Variants in CSMD1 observed in about 807,000 individuals in gnomAD.
CSMD1 encodes the protein CUB and Sushi multiple domains 1, also known as CUB and sushi domain-containing protein 1.
Under a neutral mutation model 417.5 loss-of-function variants are expected in CSMD1, and 213 were observed. The observed-to-expected ratio is 0.51, with a 90% CI of 0.46 to 0.57. CSMD1 has a LOEUF of 0.57. CSMD1 is among the 20% of genes least tolerant of loss of function. The pLI is 0.00. For synonymous variants in CSMD1, 2,862 were observed against 1,736.8 expected (o/e 1.65, Z -16.11); for missense variants, 6,923 against 4,529.7 (o/e 1.53, Z -15.17).
chr8:3,664,654 C>G (rs1222112525), intron 7 of CSMD1, among the ~76,000 whole-genome samples: 1 of 152,200 alleles, frequency 6.6e-6, no homozygotes, highest in Non-Finnish European at 1.5e-5. Flanking sequence ...TCAGGAGCAT[C>G]TTTTCTCATT....
intron 3 of CSMD1, among the ~76,000 whole-genome samples, chr8:4,207,264 G>C (rs1170343259): frequency 6.6e-6 from 1 of 152,146 alleles, no homozygotes; most frequent in African/African-American, 2.4e-5. Flanking sequence ...TCAAGTGACA[G>C]AATGAAACTG....
chr8:4,101,160 T>A (rs760918173), intron 3 of CSMD1, among the ~76,000 whole-genome samples: 13 of 152,218 alleles, frequency 8.5e-5, no homozygotes, highest in East Asian at 1.9e-4. Context: ...CACTCTATAC[T>A]GTCTATGAGT....
intron 7 of CSMD1, among the ~76,000 whole-genome samples, chr8:3,646,623 G>C (rs1797583958): frequency 6.6e-6 from 1 of 152,192 alleles, no homozygotes; most frequent in Non-Finnish European, 1.5e-5. Context: ...CTAAAAATGA[G>C]TAACTTTCTT....
At chr8:4,303,276 C>T (rs1401932171) in intron 3 of CSMD1, among the ~76,000 whole-genome samples, 1 of 151,994 alleles carries the variant, frequency 6.6e-6, no homozygotes, top group African/African-American at 2.4e-5. Context: ...GAAAACAAAA[C>T]AAAAATAATT....
chr8:4,024,162 A>G (rs1796940814), intron 4 of CSMD1, among the ~76,000 whole-genome samples: 1 of 152,170 alleles, frequency 6.6e-6, no homozygotes, highest in African/African-American at 2.4e-5. Context: ...ATAAAGAATC[A>G]GTTGTATTAT....
intron 49 of CSMD1, among the ~76,000 whole-genome samples, chr8:3,086,378 A>G (rs748229535): frequency 4.6e-5 from 7 of 152,190 alleles, no homozygotes; most frequent in Non-Finnish European, 8.8e-5. Context: ...AATAACTGTG[A>G]TAAGTATCTA....
chr8:4,672,182 C>T (rs1025882800), intron 1 of CSMD1, among the ~76,000 whole-genome samples: 4 of 152,184 alleles, frequency 2.6e-5, no homozygotes, highest in Non-Finnish European at 4.4e-5. Flanking sequence ...TGCCAAGTGT[C>T]CTGGAACCTC....
intron 26 of CSMD1, among the ~76,000 whole-genome samples, chr8:3,238,626 T>G (rs1272922603): frequency 6.6e-6 from 1 of 151,984 alleles, no homozygotes; most frequent in African/African-American, 2.4e-5. Context: ...AGAAGAAACA[T>G]TTGTCATTTA....
At chr8:4,429,989 G>A (rs1585061351) in intron 2 of CSMD1, among the ~76,000 whole-genome samples, 1 of 152,174 alleles carries the variant, frequency 6.6e-6, no homozygotes, top group Non-Finnish European at 1.5e-5. Context: ...TGAGCTGGAA[G>A]ATGAGGTCTC....
At chr8:4,612,416 T>G (rs1186268423) in intron 2 of CSMD1, among the ~76,000 whole-genome samples, 1 of 152,174 alleles carries the variant, frequency 6.6e-6, no homozygotes, top group East Asian at 1.9e-4. Flanking sequence ...AATGATTGTT[T>G]TCTTCAGGAA....
chr8:3,055,692 C>A (rs1812167589), intron 49 of CSMD1, among the ~76,000 whole-genome samples: 1 of 152,160 alleles, frequency 6.6e-6, no homozygotes, highest in African/African-American at 2.4e-5. Flanking sequence ...TAAAATTCCT[C>A]AGTTGTTTTT....
intron 1 of CSMD1, among the ~76,000 whole-genome samples, chr8:4,738,649 G>C (rs950687134): frequency 2.6e-5 from 4 of 151,782 alleles, no homozygotes; most frequent in African/African-American, 9.7e-5. Context: ...CAACAGCATC[G>C]TTTCTGTCAT....
intron 1 of CSMD1, among the ~76,000 whole-genome samples, chr8:4,857,482 G>T (rs547966913): frequency 2.6e-5 from 4 of 152,214 alleles, no homozygotes; most frequent in African/African-American, 9.6e-5. Context: ...CCAGGAGCTC[G>T]TTTTTTGAAA....
chr8:4,519,378 T>C (rs970019662), intron 2 of CSMD1, among the ~76,000 whole-genome samples: 9 of 152,074 alleles, frequency 5.9e-5, no homozygotes, highest in African/African-American at 2.2e-4. Flanking sequence ...AATGAAAAAG[T>C]AAACATAAAA....
At chr8:3,150,531 A>G (rs898677958) in intron 40 of CSMD1, among the ~76,000 whole-genome samples, 12 of 152,232 alleles carry the variant, frequency 7.9e-5, no homozygotes, top group South Asian at 2.1e-4. Context: ...AGCTTTGAAT[A>G]AAGTGTGTGA....
In CSMD1 at chr8:3,723,818, T is replaced by C. The variant is rs569431683; in HGVS notation, c.932-15327A>G. Among the ~76,000 whole-genome samples, 7 of 152,318 alleles carry C rather than the reference T, an allele frequency of 4.6e-5. 1 individual carries two copies. In the South Asian group the frequency reaches 1.0e-3, roughly 23 times the overall value. ...TTTCAAAATGACCGCAACTTACTGCTACCAAATCACGGATGAGTAAAAATT... is the reference window on the plus strand; with the variant it reads ...TTTCAAAATGACCGCAACTTACTGCCACCAAATCACGGATGAGTAAAAATT... On this transcript the variant is annotated intron_variant, in intron 6 of 69. Coordinates refer to ENST00000635120, the MANE Select transcript of CSMD1 (RefSeq NM_033225.6).
chr8:4,966,086 G>A (rs35524253), intron 1 of CSMD1, among the ~76,000 whole-genome samples: 37,324 of 151,664 alleles, frequency 0.25, 5,856 homozygotes, highest in Non-Finnish European at 0.35. Context: ...GTTCCAGGCC[G>A]GGTGTGATGG....
intron 51 of CSMD1, among the ~76,000 whole-genome samples, chr8:3,024,973 T>G (rs952869803): frequency 6.6e-6 from 1 of 152,034 alleles, no homozygotes; most frequent in African/African-American, 2.4e-5. Flanking sequence ...TATTGTGTGG[T>G]GTTATTCTAA....
At chr8:3,810,192 A>G (rs554488537) in intron 5 of CSMD1, among the ~76,000 whole-genome samples, 59 of 152,296 alleles carry the variant, frequency 3.9e-4, no homozygotes, top group African/African-American at 1.3e-3. Flanking sequence ...TACATGTCCA[A>G]TGAGTCAGGA....
Sources: gnomAD v4.1 joint callset for allele counts (sites outside exome capture counted in the v4.1 genomes callset) on GRCh38, gnomAD v4.1.1 for gene constraint, MANE v1.5 for transcripts, NCBI Gene and HGNC (gene_info 2026-07-23, HGNC 2026-07-21) for gene names.